The following STARD13 variants were observed in gnomAD, a reference collection of about 807,000 sequenced individuals.
The protein encoded by STARD13 is stAR-related lipid transfer protein 13.
A neutral mutation model predicts 106.4 loss-of-function variants in STARD13; 62 were observed. That is an observed-to-expected ratio of 0.58 (90% confidence interval 0.48 to 0.72). STARD13 has a LOEUF of 0.72. Ranked by LOEUF, STARD13 falls within the 30% of genes least tolerant of loss-of-function variation. STARD13 has a pLI of 0.00. For synonymous variants in STARD13, 565 were observed against 553.0 expected (o/e 1.02, Z -0.31); for missense variants, 1,387 against 1,424.0 (o/e 0.97, Z 0.42).
chr13:33,635,463 T>C, the STARD13 span, among the ~76,000 whole-genome samples: 1 of 151,112 alleles, frequency 6.6e-6, no homozygotes, highest in South Asian at 2.1e-4. Flanking sequence ...ATCGAGACCA[T>C]CCTGGCTAAC....
the STARD13 span, among the ~76,000 whole-genome samples, chr13:33,668,804 AT>A: frequency 6.6e-6 from 1 of 152,166 alleles, no homozygotes; most frequent in Admixed American, 6.5e-5. Context: ...ATCACATGCT[AT>A]TTTACATTGG....
the STARD13 span, among the ~76,000 whole-genome samples, chr13:33,472,684 C>T: frequency 2.0e-5 from 3 of 152,234 alleles, no homozygotes; most frequent in Non-Finnish European, 4.4e-5. Context: ...CACCACTGAA[C>T]ACCAAAACAT....
intron 1 of STARD13, chr13:33,273,985 TA>T (rs1320072285): frequency 2.6e-5 from 4 of 152,164 alleles, no homozygotes; most frequent in Non-Finnish European, 5.9e-5. Flanking sequence ...AGGTAGATAC[TA>T]ATATCGATCT....
the STARD13 span, among the ~76,000 whole-genome samples, chr13:33,511,994 T>C: frequency 6.6e-6 from 1 of 152,208 alleles, no homozygotes; most frequent in Non-Finnish European, 1.5e-5. Context: ...TGTTTAATTG[T>C]AAATCCATGA....
chr13:33,484,259 G>C, the STARD13 span, among the ~76,000 whole-genome samples: 4 of 152,108 alleles, frequency 2.6e-5, no homozygotes, highest in African/African-American at 9.7e-5. Flanking sequence ...ACTAAAACAT[G>C]GTCACAGGTT....
chr13:33,200,391 C>G (rs898153597), intron 1 of STARD13, among the ~76,000 whole-genome samples: 2 of 152,180 alleles, frequency 1.3e-5, no homozygotes, highest in Non-Finnish European at 2.9e-5. Context: ...CCGTGCCAGC[C>G]CCTTGAAGTC....
At chr13:33,510,562 C>T in the STARD13 span, among the ~76,000 whole-genome samples, 1 of 152,156 alleles carries the variant, frequency 6.6e-6, no homozygotes, top group Non-Finnish European at 1.5e-5. Context: ...ATGGTGATTA[C>T]ATCCAGGGAT....
chr13:33,395,189 C>T, the STARD13 span, among the ~76,000 whole-genome samples: 1 of 152,140 alleles, frequency 6.6e-6, no homozygotes, highest in African/African-American at 2.4e-5. Flanking sequence ...ATTTGTCAGT[C>T]ATAATACCTT....
intron 1 of STARD13, among the ~76,000 whole-genome samples, chr13:33,229,161 A>T (rs1247535161): frequency 1.3e-5 from 2 of 152,214 alleles, no homozygotes; most frequent in African/African-American, 4.8e-5. Flanking sequence ...TCTAAAAGGC[A>T]TGCAACCAAC....
chr13:33,356,653 A>C, the STARD13 span, among the ~76,000 whole-genome samples: 6,921 of 152,322 alleles, frequency 0.045, 559 homozygotes, highest in African/African-American at 0.16. Context: ...GCAATAATAC[A>C]TGCAAAATAT....
chr13:33,145,833 A>G (rs1005737617), intron 3 of STARD13, among the ~76,000 whole-genome samples: 2 of 152,188 alleles, frequency 1.3e-5, no homozygotes, highest in African/African-American at 4.8e-5. Context: ...TAGTGACAGG[A>G]AACAGATGAG....
chr13:33,160,520 A>C (rs1413124288), intron 3 of STARD13, among the ~76,000 whole-genome samples: 2 of 152,236 alleles, frequency 1.3e-5, no homozygotes, highest in Admixed American at 1.3e-4. Flanking sequence ...GCCTGGCAGA[A>C]AATATTTACA....
the STARD13 span, among the ~76,000 whole-genome samples, chr13:33,622,911 T>G: frequency 7.3e-6 from 1 of 137,030 alleles, no homozygotes; most frequent in East Asian, 2.1e-4. Context: ...AGAGCAAAAC[T>G]CTGTCTAAAA....
At chr13:33,379,725 A>G in the STARD13 span, among the ~76,000 whole-genome samples, 1 of 152,248 alleles carries the variant, frequency 6.6e-6, no homozygotes, top group African/African-American at 2.4e-5. Context: ...AGAACAAAAC[A>G]GTTCAGTAAC....
At chr13:33,286,906 G>GTA (rs1016433335), upstream of STARD13, among the ~76,000 whole-genome samples, 11 of 151,814 alleles carry the variant, frequency 7.2e-5, no homozygotes, top group African/African-American at 2.7e-4. Flanking sequence ...ATATATGTGT[G>GTA]TATATATATA....
At chr13:33,180,637 C>T (rs1272472192) in intron 1 of STARD13, 1 of 152,176 alleles carries the variant, frequency 6.6e-6, no homozygotes, top group African/African-American at 2.4e-5. Context: ...ATGAATCTCC[C>T]AGGTCGGCTT....
At chr13:33,156,723 C>T (rs1229853943) in intron 3 of STARD13, among the ~76,000 whole-genome samples, 1 of 152,144 alleles carries the variant, frequency 6.6e-6, no homozygotes, top group Non-Finnish European at 1.5e-5. Context: ...AGGAGCCTAT[C>T]TTACAGTGTT....
intron 1 of STARD13, among the ~76,000 whole-genome samples, chr13:33,281,891 G>C (rs2138401939): frequency 6.6e-6 from 1 of 152,236 alleles, no homozygotes; most frequent in Non-Finnish European, 1.5e-5. Flanking sequence ...AAGAGTTCTG[G>C]AGATGGATGG....
intron 1 of STARD13, chr13:33,278,329 G>A (rs1226953238): frequency 1.3e-5 from 2 of 152,184 alleles, no homozygotes; most frequent in Admixed American, 6.6e-5. Context: ...GTTCTGTGAA[G>A]CAGACTTATA....
Sources: gnomAD v4.1 joint callset for allele counts (sites outside exome capture counted in the v4.1 genomes callset) on GRCh38, gnomAD v4.1.1 for gene constraint, MANE v1.5 for transcripts, NCBI Gene and HGNC (gene_info 2026-07-23, HGNC 2026-07-21) for gene names.